MAGI1: variants seen among roughly 807,000 people sequenced by gnomAD.
MAGI1 encodes membrane-associated guanylate kinase, WW and PDZ domain-containing protein 1.
In MAGI1, 58 loss-of-function variants were observed where a neutral mutation model predicts 139.9. The ratio of observed to expected loss-of-function variants is 0.41; its 90% CI spans 0.34 to 0.52. MAGI1 has a LOEUF of 0.52. Among genes scored for constraint, MAGI1 ranks in the 20% least tolerant of loss-of-function variants. The pLI, the probability that MAGI1 is intolerant of heterozygous loss-of-function variation, is 0.12. For missense variants in MAGI1, 1,874 were observed against 1,901.6 expected (o/e 0.99, Z 0.27); for synonymous variants, 812 against 737.9 (o/e 1.10, Z -1.63).
intron 2 of MAGI1, among the ~76,000 whole-genome samples, chr3:65,555,969 T>C (rs920898143): frequency 6.6e-6 from 1 of 152,250 alleles, no homozygotes; most frequent in Admixed American, 6.5e-5. Flanking sequence ...TGTTGGTCTC[T>C]GCGGACTCTC....
At chr3:65,920,308 A>G (rs1207687268) in intron 1 of MAGI1, among the ~76,000 whole-genome samples, 2 of 152,220 alleles carry the variant, frequency 1.3e-5, no homozygotes, top group East Asian at 3.8e-4. Context: ...GATAGTCATT[A>G]AAAACAGTGA....
chr3:65,486,746 A>G (rs1951662651), intron 3 of MAGI1, among the ~76,000 whole-genome samples: 1 of 152,204 alleles, frequency 6.6e-6, no homozygotes, highest in Admixed American at 6.5e-5. Flanking sequence ...GATTCTTTAC[A>G]TCGCCAGGAA....
Position 65,429,763 on chromosome 3 carries a change from T to C in MAGI1, c.1924A>G (p.Ile642Val), listed in dbSNP as rs770847623. 1 of 1,614,006 alleles carries C rather than the reference T, an allele frequency of 6.2e-7. No individual in the cohort carries two copies. The highest frequency in any genetic ancestry group is 8.5e-7 in the Non-Finnish European group (1 of 1,179,962). Reference sequence around the variant, plus strand: ...GGCCCTTTGACAATATGAACAGTTATGAGTTCTGGCTGAGTGGCTATGGAG... The same window carrying C: ...GGCCCTTTGACAATATGAACAGTTACGAGTTCTGGCTGAGTGGCTATGGAG... ...ASSIATQPEL[I>V]TVHIVKGPMG... Residue 642 changes from isoleucine to valine, a missense_variant, in exon 12 of 23, where the codon ATA becomes GTA. By Grantham distance (29) the Ile-to-Val change is conservative. Transcript: ENST00000402939.
chr3:65,941,617 C>T (rs1350279539), intron 1 of MAGI1, among the ~76,000 whole-genome samples: 8 of 151,866 alleles, frequency 5.3e-5, no homozygotes, highest in Non-Finnish European at 1.0e-4. Context: ...ACCCCCACCT[C>T]CCCTTAAGAA....
intron 2 of MAGI1, among the ~76,000 whole-genome samples, chr3:65,500,041 T>A (rs985500205): frequency 6.6e-6 from 1 of 151,896 alleles, no homozygotes; most frequent in Non-Finnish European, 1.5e-5. Context: ...CAAAAAAACA[T>A]GCAAACGACT....
rs1207484703 is a variant in MAGI1, at chr3:65,458,362, G to GT, written c.960-5023dup. Among the ~76,000 whole-genome samples, 592 of 137,330 alleles carry GT rather than the reference G, an allele frequency of 4.3e-3. 6 individuals carry two copies. The highest frequency in any genetic ancestry group is 0.011 in the Middle Eastern group (3 of 264). 90.1% of individuals were successfully genotyped at this position (137,330 alleles called of 152,430 possible). The stretch of plus-strand genomic sequence containing the variant: ...CTATTTTTAGTTTTTCTGTTTGTTT[G>GT]TTTTTTTTTTTTGGAGGAACCCCCA... On this transcript the variant is annotated intron_variant, in intron 5 of 22. Coordinates refer to ENST00000402939, the MANE Select transcript of MAGI1 (RefSeq NM_001033057.2).
At chr3:65,475,091 T>C (rs1306163121) in intron 4 of MAGI1, among the ~76,000 whole-genome samples, 1 of 151,908 alleles carries the variant, frequency 6.6e-6, no homozygotes, top group African/African-American at 2.4e-5. Context: ...TTTAAGAATA[T>C]CAGGGATTAT....
At chr3:65,579,122 A>T (rs1338969331) in intron 2 of MAGI1, among the ~76,000 whole-genome samples, 1 of 152,098 alleles carries the variant, frequency 6.6e-6, no homozygotes, top group African/African-American at 2.4e-5. Context: ...TTGTGTATGA[A>T]TCACATTGTC....
chr3:65,572,136 G>A (rs945365734), intron 2 of MAGI1, among the ~76,000 whole-genome samples: 1 of 152,118 alleles, frequency 6.6e-6, no homozygotes, highest in African/African-American at 2.4e-5. Context: ...GAGTAGACTA[G>A]TTTACAATAC....
chr3:65,437,263 G>T lies in MAGI1; in HGVS notation c.1271-16C>A. 2 of 1,550,990 alleles carry T rather than the reference G, an allele frequency of 1.3e-6. No individual in the cohort carries two copies. Among genetic ancestry groups the T allele is most frequent in the Non-Finnish European group, 1.8e-6 (2 of 1,126,032 alleles). ...TCTGTCCATTCTATGAAAAAGAAAA[G>T]AAAGTTTCCTATTTTTCCTTCAAAT... On this transcript the variant is annotated splice_polypyrimidine_tract_variant and intron_variant, in intron 9 of 22. Coordinates refer to ENST00000402939, the MANE Select transcript of MAGI1 (RefSeq NM_001033057.2).
intron 1 of MAGI1, among the ~76,000 whole-genome samples, chr3:66,014,126 G>C (rs192837472): frequency 2.0e-5 from 3 of 152,166 alleles, no homozygotes; most frequent in Admixed American, 2.0e-4. Flanking sequence ...CTCAGAGGAA[G>C]GTAGGGTAAA....
intron 1 of MAGI1, among the ~76,000 whole-genome samples, chr3:65,887,869 T>C (rs1313341310): frequency 6.6e-6 from 1 of 152,190 alleles, no homozygotes; most frequent in Admixed American, 6.5e-5. Flanking sequence ...GAGAACAGCA[T>C]AGATACAGTA....
intron 5 of MAGI1, among the ~76,000 whole-genome samples, chr3:65,462,403 A>G (rs1309880406): frequency 1.3e-5 from 2 of 152,092 alleles, no homozygotes; most frequent in Admixed American, 1.3e-4. Context: ...TGTTTTTGTC[A>G]GGTTTGTCAA....
chr3:65,644,546 T>A (rs1196009551), intron 1 of MAGI1, among the ~76,000 whole-genome samples: 1 of 151,408 alleles, frequency 6.6e-6, no homozygotes, highest in African/African-American at 2.4e-5. Context: ...AGTGACAGAG[T>A]AAGCCCTGTT....
intron 1 of MAGI1, among the ~76,000 whole-genome samples, chr3:65,783,500 A>T (rs1577101504): frequency 1.3e-5 from 2 of 149,022 alleles, no homozygotes. Context: ...AAAAAAAAAA[A>T]TTTGTCTTGA....
At chr3:65,410,281 A>T (rs1945686961) in intron 12 of MAGI1, among the ~76,000 whole-genome samples, 1 of 152,238 alleles carries the variant, frequency 6.6e-6, no homozygotes, top group South Asian at 2.1e-4. Flanking sequence ...AAAAGTATTC[A>T]GAGCCTGTCT....
chr3:65,828,156 A>T (rs1310425473), intron 1 of MAGI1, among the ~76,000 whole-genome samples: 1 of 152,226 alleles, frequency 6.6e-6, no homozygotes, highest in African/African-American at 2.4e-5. Context: ...TTGAGTCTGG[A>T]ATGATTTCCA....
chr3:65,616,618 T>A (rs547350235), intron 2 of MAGI1, among the ~76,000 whole-genome samples: 1 of 152,304 alleles, frequency 6.6e-6, no homozygotes, highest in East Asian at 1.9e-4. Context: ...AAAGCAATCC[T>A]TTTAGACAGC....
At chr3:65,402,949 T>C (rs555520030) in intron 12 of MAGI1, among the ~76,000 whole-genome samples, 1 of 152,290 alleles carries the variant, frequency 6.6e-6, no homozygotes, top group East Asian at 1.9e-4. Flanking sequence ...GTCCCACCAC[T>C]GGGGGCCGAG....
Sources: allele counts gnomAD v4.1 joint callset (sites outside exome capture counted in the v4.1 genomes callset), GRCh38; gene constraint gnomAD v4.1.1; transcripts MANE v1.5; gene names NCBI Gene and HGNC (gene_info 2026-07-23, HGNC 2026-07-21).